Variants in RANBP2 observed in about 807,000 individuals in gnomAD.
RANBP2 encodes the protein E3 SUMO-protein ligase RanBP2.
Under a neutral mutation model 303.6 loss-of-function variants are expected in RANBP2, and 57 were observed. That is an observed-to-expected ratio of 0.19 (90% CI 0.15 to 0.23). The LOEUF (loss-of-function observed/expected upper bound fraction) is 0.23, where lower values mean the gene tolerates loss of function less well. Ranked by LOEUF, RANBP2 falls within the 10% of genes least tolerant of loss-of-function variation. RANBP2 has a pLI of 1.00. For missense variants in RANBP2, 3,138 were observed against 3,780.8 expected, an observed-to-expected ratio of 0.83 and a Z score of 4.46; for synonymous variants, 1,167 against 1,301.5, an observed-to-expected ratio of 0.90 and a Z score of 2.23.
At chr2:109,583,461 T>C in the RANBP2 span, among the ~76,000 whole-genome samples, 1 of 152,198 alleles carries the variant, frequency 6.6e-6, no homozygotes, top group Non-Finnish European at 1.5e-5. Flanking sequence ...ACAGTCAGAA[T>C]GGCTATTATT....
the RANBP2 span, among the ~76,000 whole-genome samples, chr2:108,862,041 C>T: frequency 6.8e-6 from 1 of 147,096 alleles, no homozygotes; most frequent in African/African-American, 2.5e-5. Context: ...TATTTTTATT[C>T]CACTATGGCC....
chr2:109,052,235 C>A, the RANBP2 span, among the ~76,000 whole-genome samples: 7 of 152,344 alleles, frequency 4.6e-5, no homozygotes, highest in African/African-American at 1.7e-4. Context: ...CACTGGTTTT[C>A]TGATGCTCCA....
the RANBP2 span, among the ~76,000 whole-genome samples, chr2:109,606,232 T>C: frequency 0.025 from 3,790 of 152,118 alleles, 129 homozygotes; most frequent in African/African-American, 0.076. Context: ...CTGGCCAACA[T>C]GGTGAAACCC....
At chr2:109,159,903 A>G in the RANBP2 span, among the ~76,000 whole-genome samples, 36 of 152,298 alleles carry the variant, frequency 2.4e-4, no homozygotes, top group African/African-American at 6.7e-4. Context: ...CATGGCTCCA[A>G]CTGATTCTAC....
At chr2:109,703,768 T>G in the RANBP2 span, among the ~76,000 whole-genome samples, 1 of 152,210 alleles carries the variant, frequency 6.6e-6, no homozygotes, top group Non-Finnish European at 1.5e-5. Context: ...TTGTAGTTTG[T>G]TTTTCCAGCT....
chr2:109,731,237 A>G, the RANBP2 span, among the ~76,000 whole-genome samples: 3 of 152,206 alleles, frequency 2.0e-5, no homozygotes, highest in Admixed American at 1.3e-4. Context: ...CAAAGGAGAA[A>G]TTAAAAATTA....
chr2:109,501,704 G>T, the RANBP2 span: 3 of 728,480 alleles, frequency 4.1e-6, no homozygotes, highest in African/African-American at 1.7e-5. Context: ...GCTCACAGAG[G>T]GGGAGGCCGC....
chr2:109,574,594 T>C, the RANBP2 span: 3 of 1,556,810 alleles, frequency 1.9e-6, no homozygotes, highest in East Asian at 4.6e-5. Flanking sequence ...GCTGTCAAGG[T>C]TCTTCATGGT....
the RANBP2 span, among the ~76,000 whole-genome samples, chr2:109,085,839 A>G: frequency 2.0e-5 from 3 of 150,868 alleles, no homozygotes; most frequent in African/African-American, 7.3e-5. Flanking sequence ...TCCTGGCCTC[A>G]GGCGATCCAC....
At chr2:108,789,032 A>C (rs1679457430), downstream of RANBP2, 1 of 1,559,484 alleles carries the variant, frequency 6.4e-7, no homozygotes, top group Non-Finnish European at 8.8e-7. Flanking sequence ...GAAAGAGAAA[A>C]GGGCAGGTTA....
the RANBP2 span, among the ~76,000 whole-genome samples, chr2:109,291,235 A>G: frequency 2.6e-5 from 4 of 152,160 alleles, no homozygotes; most frequent in East Asian, 7.7e-4. Flanking sequence ...AATGCCAGAA[A>G]GCAACAACAG....
At chr2:109,452,890 A>AGGAGGCTGGTCCCG in the RANBP2 span, among the ~76,000 whole-genome samples, 1 of 94,686 alleles carries the variant, frequency 1.1e-5, no homozygotes, top group Admixed American at 1.0e-4. Context: ...GGCTGGTCCC[A>AGGAGGCTGGTCCCG]GGAGGCTGGT....
At chr2:109,428,721 A>T in the RANBP2 span, among the ~76,000 whole-genome samples, 3 of 152,238 alleles carry the variant, frequency 2.0e-5, no homozygotes, top group Admixed American at 1.3e-4. Context: ...AACCTGTGAG[A>T]ATCCGCAGAG....
chr2:109,407,511 G>A, the RANBP2 span, among the ~76,000 whole-genome samples: 1 of 152,120 alleles, frequency 6.6e-6, no homozygotes, highest in African/African-American at 2.4e-5. Flanking sequence ...GGAAGTGCTG[G>A]GGAAAAGCTG....
At chr2:109,239,493 A>T in the RANBP2 span, among the ~76,000 whole-genome samples, 1 of 152,286 alleles carries the variant, frequency 6.6e-6, no homozygotes, top group South Asian at 2.1e-4. Context: ...ACGGACTACA[A>T]TATTCTGAAG....
At chr2:108,786,751 C>T, downstream of RANBP2, 1 of 1,382,796 alleles carries the variant, frequency 7.2e-7, no homozygotes, top group South Asian at 1.2e-5. Flanking sequence ...CGTCGTGACG[C>T]ACTGCGGCCG....
At chr2:109,622,808 T>C in the RANBP2 span, among the ~76,000 whole-genome samples, 1 of 152,160 alleles carries the variant, frequency 6.6e-6, no homozygotes, top group Non-Finnish European at 1.5e-5. Flanking sequence ...ATTTATAAAT[T>C]TGCAACCCAC....
the RANBP2 span, among the ~76,000 whole-genome samples, chr2:108,845,092 T>A: frequency 6.6e-6 from 1 of 152,142 alleles, no homozygotes; most frequent in Non-Finnish European, 1.5e-5. Flanking sequence ...AGTGTAGTAG[T>A]AAAGCATTAG....
chr2:108,739,712 G>A (rs1418392325), intron 6 of RANBP2, among the ~76,000 whole-genome samples: 4 of 152,190 alleles, frequency 2.6e-5, no homozygotes, highest in Non-Finnish European at 5.9e-5. Flanking sequence ...TAGGCCAGGC[G>A]TAGTGGCTCA....
Sources: allele counts gnomAD v4.1 joint callset (sites outside exome capture counted in the v4.1 genomes callset), GRCh38; gene constraint gnomAD v4.1.1; transcripts MANE v1.5; gene names NCBI Gene and HGNC (gene_info 2026-07-23, HGNC 2026-07-21).